NAALADL2: variants seen among roughly 807,000 people sequenced by gnomAD.
NAALADL2 encodes the protein N-acetylated alpha-linked acidic dipeptidase like 2.
NAALADL2 carries 76 observed loss-of-function variants against 87.2 expected under a neutral mutation model. The ratio of observed to expected loss-of-function variants is 0.87; its 90% CI spans 0.72 to 1.05. The LOEUF (loss-of-function observed/expected upper bound fraction) is 1.05. NAALADL2 is among the 50% of genes least tolerant of loss of function. The pLI is 0.00. For synonymous variants in NAALADL2, 354 were observed against 331.0 expected, an observed-to-expected ratio of 1.07 and a Z score of -0.75; for missense variants, 1,089 against 945.8, an observed-to-expected ratio of 1.15 and a Z score of -1.99.
intron 2 of NAALADL2, among the ~76,000 whole-genome samples, chr3:174,712,482 G>A (rs2108920304): frequency 6.9e-6 from 1 of 144,994 alleles, no homozygotes; most frequent in Non-Finnish European, 1.5e-5. Context: ...CCACCTCCCG[G>A]GTTCATGCCA....
At chr3:174,815,745 G>A (rs1271497648) in intron 3 of NAALADL2, among the ~76,000 whole-genome samples, 1 of 151,086 alleles carries the variant, frequency 6.6e-6, no homozygotes, top group Non-Finnish European at 1.5e-5. Flanking sequence ...AATACAAAAT[G>A]TGATGGTATT....
rs938514304 is a variant in NAALADL2 at position 175,387,371 on chromosome 3, G to A, written c.1091-59858G>A. On this transcript the variant is annotated intron_variant, in intron 5 of 13. Coordinates refer to ENST00000454872, the MANE Select transcript of NAALADL2 (RefSeq NM_207015.3). ...GTATTAGCTAGAATACTTCTATAAA[G>A]AGAAAATTCTCCTGTGGTACAATTG... Among the ~76,000 whole-genome samples, 20 of 152,170 alleles carry A rather than the reference G, an allele frequency of 1.3e-4. 3 individuals carry two copies. The highest frequency in any genetic ancestry group is 3.9e-4 in the Admixed American group (6 of 15,266).
chr3:175,308,205 T>G (rs981830637), intron 4 of NAALADL2, among the ~76,000 whole-genome samples: 3 of 152,224 alleles, frequency 2.0e-5, no homozygotes, highest in Admixed American at 2.0e-4. Flanking sequence ...AACCGTAAGA[T>G]CAGTTGTGCT....
chr3:174,805,443 A>G (rs1218756267), intron 3 of NAALADL2, among the ~76,000 whole-genome samples: 2 of 152,108 alleles, frequency 1.3e-5, no homozygotes, highest in East Asian at 3.9e-4. Context: ...GTTGATGCCC[A>G]GTATTGCCTG....
intron 6 of NAALADL2, among the ~76,000 whole-genome samples, chr3:175,457,725 G>A (rs1047600385): frequency 8.3e-6 from 1 of 120,438 alleles, no homozygotes; most frequent in East Asian, 2.4e-4. Context: ...ATCTTGCTAT[G>A]TTGCTCAGGC....
chr3:175,238,625 G>A (rs991918965), intron 3 of NAALADL2, among the ~76,000 whole-genome samples: 1 of 151,978 alleles, frequency 6.6e-6, no homozygotes, highest in African/African-American at 2.4e-5. Context: ...ATTTTCAAAA[G>A]CAATTTCTAG....
At chr3:175,508,026 T>A (rs1730590592) in intron 9 of NAALADL2, among the ~76,000 whole-genome samples, 6 of 152,134 alleles carry the variant, frequency 3.9e-5, no homozygotes, top group Admixed American at 3.9e-4. Flanking sequence ...TCAAGAAGCT[T>A]CCAATCATGG....
intron 3 of NAALADL2, among the ~76,000 whole-genome samples, chr3:174,825,051 T>C (rs1721833946): frequency 6.6e-6 from 1 of 152,208 alleles, no homozygotes; most frequent in Non-Finnish European, 1.5e-5. Flanking sequence ...CAAGTTTCTT[T>C]TTTTATCTCT....
chr3:175,193,211 TTG>T (rs931166960), intron 2 of NAALADL2, among the ~76,000 whole-genome samples: 3 of 151,944 alleles, frequency 2.0e-5, no homozygotes, highest in African/African-American at 7.2e-5. Context: ...CACTTACTAG[TTG>T]TGTGTTTTTT....
intron 9 of NAALADL2, among the ~76,000 whole-genome samples, chr3:175,539,532 C>T (rs1031811202): frequency 1.3e-5 from 2 of 151,376 alleles, no homozygotes; most frequent in African/African-American, 4.9e-5. Flanking sequence ...GGTACAGGTG[C>T]AGGTTTATTA....
rs367589535 is a variant in NAALADL2, at chr3:175,148,946, C to G, written c.545+51655C>G. On this transcript the variant is annotated intron_variant, in intron 2 of 13. Transcript: ENST00000454872. ...TGACTATTCAGGCTCTTTTTTGGTT[C>G]CATATGAATGTTAGAAAATGTTTTT... 7.7e-4 allele frequency among the ~76,000 whole-genome samples: 117 copies of G among 152,046 alleles called. 1 individual carries two copies. The highest frequency in any genetic ancestry group is 2.5e-3 in the African/African-American group (105 of 41,494).
intron 1 of NAALADL2, among the ~76,000 whole-genome samples, chr3:175,087,473 G>A (rs1013260487): frequency 3.3e-5 from 5 of 152,236 alleles, no homozygotes; most frequent in African/African-American, 7.2e-5. Context: ...GAAAAAGGGG[G>A]AAATGTGGGG....
rs999880564 is a variant in NAALADL2 at position 174,733,887 on chromosome 3, G to C, written c.-114-3754G>C. Among the ~76,000 whole-genome samples the C allele has an allele frequency of 4.6e-5, 7 of 152,170 alleles. No individual in the cohort carries two copies. In the South Asian group the frequency reaches 1.4e-3, roughly 31 times the overall value. On this transcript the variant is annotated intron_variant, in intron 2 of 3. Coordinates refer to the NAALADL2 transcript ENST00000434257. ...GAGGGGTCTGGCCTCTCACTTTCTG[G>C]ATGTGGTGATCTGGTGGGTTTCAGT...
intron 2 of NAALADL2, among the ~76,000 whole-genome samples, chr3:174,612,171 A>C (rs577245178): frequency 6.6e-6 from 1 of 152,056 alleles, no homozygotes; most frequent in African/African-American, 2.4e-5. Context: ...GGTGTAATAG[A>C]GCTCCACTGT....
At chr3:175,133,614 C>G (rs1046944661) in intron 2 of NAALADL2, among the ~76,000 whole-genome samples, 18 of 152,272 alleles carry the variant, frequency 1.2e-4, no homozygotes, top group East Asian at 1.9e-4. Context: ...CGCAGGCACT[C>G]GGCAGGCTGA....
chr3:174,520,625 C>T (rs1291752949), intron 1 of NAALADL2, among the ~76,000 whole-genome samples: 1 of 152,068 alleles, frequency 6.6e-6, no homozygotes, highest in Non-Finnish European at 1.5e-5. Flanking sequence ...CCAGGAAAAG[C>T]TCTTCTGGAC....
chr3:174,681,988 A>G (rs1330965423), intron 2 of NAALADL2, among the ~76,000 whole-genome samples: 2 of 152,114 alleles, frequency 1.3e-5, no homozygotes, highest in African/African-American at 4.8e-5. Flanking sequence ...GTGTGAACAT[A>G]AGTGGTAGCC....
intron 2 of NAALADL2, among the ~76,000 whole-genome samples, chr3:174,735,481 T>G (rs1439704611): frequency 6.6e-6 from 1 of 152,186 alleles, no homozygotes; most frequent in East Asian, 1.9e-4. Context: ...AATACACATC[T>G]CTTCCTTTGT....
At chr3:174,751,019 G>C (rs890775440) in intron 3 of NAALADL2, among the ~76,000 whole-genome samples, 1 of 151,698 alleles carries the variant, frequency 6.6e-6, no homozygotes, top group Non-Finnish European at 1.5e-5. Context: ...TATAATAGTT[G>C]TACCTCTTCC....
Sources: gnomAD v4.1 joint callset for allele counts (sites outside exome capture counted in the v4.1 genomes callset) on GRCh38, gnomAD v4.1.1 for gene constraint, MANE v1.5 for transcripts, NCBI Gene and HGNC (gene_info 2026-07-23, HGNC 2026-07-21) for gene names.